The following TBC1D31 variants were observed in gnomAD, a reference collection of about 807,000 sequenced individuals.
The protein encoded by TBC1D31 is WD repeat domain 67.
TBC1D31 carries 99 observed loss-of-function variants against 132.9 expected under a neutral mutation model. The observed-to-expected ratio is 0.74, with a 90% confidence interval of 0.63 to 0.88. The LOEUF (loss-of-function observed/expected upper bound fraction) is 0.88. Among genes scored for constraint, TBC1D31 ranks in the 40% least tolerant of loss-of-function variants. TBC1D31 has a pLI of 0.00. For missense variants in TBC1D31, 1,134 were observed against 1,256.6 expected, an observed-to-expected ratio of 0.90 and a Z score of 1.48; for synonymous variants, 385 against 419.4, an observed-to-expected ratio of 0.92 and a Z score of 1.00.
chr8:123,160,565 G>A, the TBC1D31 span, among the ~76,000 whole-genome samples: 3 of 152,080 alleles, frequency 2.0e-5, no homozygotes, highest in Non-Finnish European at 4.4e-5. Context: ...CTCTCCCGGC[G>A]ACCTCCCGGC....
chr8:123,126,094 C>T lies in TBC1D31; in HGVS notation c.1609C>T (p.Pro537Ser), dbSNP rs148945860. The change falls in exon 12 of 22, where the codon CCT becomes TCT. Residue 537 changes from proline (P) to serine (S), a missense_variant. By Grantham distance (74) the Pro-to-Ser change is moderately conservative. Transcript: ENST00000287380. The stretch of plus-strand genomic sequence containing the variant: ...ACACTGGTTTGAATATTTTCCTAAT[C>T]CTCCTATCAATATTCTTAGCATGAT... ...CQHWFEYFPN[P>S]PINILSMIEN... is the part of the protein sequence containing the mutation. The T allele has an allele frequency of 6.2e-7, 1 of 1,608,482 alleles. No individual in the cohort carries two copies. Among genetic ancestry groups the T allele is most frequent in the East Asian group, 2.2e-5 (1 of 44,632 alleles).
Position 123,151,861 on chromosome 8 carries a change from G to C in TBC1D31, c.3123G>C (p.Lys1041Asn), listed in dbSNP as rs759713100. 5.0e-6 allele frequency: 8 copies of C among 1,591,440 alleles called. No individual in the cohort carries two copies. The highest frequency in any genetic ancestry group is 6.8e-6 in the Non-Finnish European group (8 of 1,173,126). The change falls in exon 22 of 22, where the codon AAG becomes AAC. Residue 1041 changes from lysine to asparagine, a missense_variant. By Grantham distance (94) the Lys-to-Asn change is moderately conservative. Coordinates refer to ENST00000287380, the MANE Select transcript of TBC1D31 (RefSeq NM_145647.4). ...ACACCACGGGACAGAATCTTATTAAGAAAGTGAGAAATCTTCGCCAGAGAC... is the reference window on the plus strand; with the variant it reads ...ACACCACGGGACAGAATCTTATTAACAAAGTGAGAAATCTTCGCCAGAGAC... ...EWDTTGQNLIKKVRNLRQRLT... is the reference protein window; with the variant it reads ...EWDTTGQNLINKVRNLRQRLT...
At chr8:123,135,369 A>G (rs1820991502) in intron 17 of TBC1D31, among the ~76,000 whole-genome samples, 1 of 152,168 alleles carries the variant, frequency 6.6e-6, no homozygotes, top group South Asian at 2.1e-4. Flanking sequence ...GTAAGTTTTC[A>G]CTTCTTTCAG....
In TBC1D31 at chr8:123,102,146, C is replaced by T. The variant is rs527358732; in HGVS notation, c.1032+1139C>T. On this transcript the variant is annotated intron_variant, in intron 7 of 21. Transcript: ENST00000287380. Reference sequence around the variant, plus strand: ...GGTTATCTAAAATTCCCCCAGCTAACCAGTCATATTGTCCGTGTGTCTTCC... The same window carrying T: ...GGTTATCTAAAATTCCCCCAGCTAATCAGTCATATTGTCCGTGTGTCTTCC... The T allele has an allele frequency of 9.3e-6, 4 of 428,270 alleles. No homozygotes were observed. The East Asian group carries it at 3.0e-4, about 32-fold the overall frequency. The allele number at this position is 428,270 out of a possible 1,614,324, so 26.5% of individuals were successfully genotyped here.
At chr8:123,080,427 C>G (rs1422893872) in intron 2 of TBC1D31, among the ~76,000 whole-genome samples, 1 of 151,800 alleles carries the variant, frequency 6.6e-6, no homozygotes, top group Non-Finnish European at 1.5e-5. Flanking sequence ...AACCGTTGTC[C>G]TTCCTGGTAG....
intron 7 of TBC1D31, among the ~76,000 whole-genome samples, 193 bp from the exon 8 acceptor site, chr8:123,105,095 G>T (rs1400126172): frequency 1.3e-5 from 2 of 152,082 alleles, no homozygotes; most frequent in African/African-American, 2.4e-5. Flanking sequence ...TCTTCAAAAG[G>T]ATTCAGCAGA....
At chr8:123,107,236 G>C (rs1262479114) in intron 8 of TBC1D31, among the ~76,000 whole-genome samples, 1 of 152,194 alleles carries the variant, frequency 6.6e-6, no homozygotes, top group African/African-American at 2.4e-5. Context: ...TTGCAAGTAA[G>C]CCTTCTGAGG....
downstream of TBC1D31, among the ~76,000 whole-genome samples, chr8:123,157,101 A>T (rs1465841715): frequency 6.6e-6 from 1 of 152,122 alleles, no homozygotes; most frequent in African/African-American, 2.4e-5. Flanking sequence ...GGGGGTACTT[A>T]TCAGGTTCAC....
At position 123,093,615 on chromosome 8, in the gene TBC1D31, A is replaced by G; in HGVS notation, c.544A>G (p.Thr182Ala). The G allele has an allele frequency of 6.2e-7, 1 of 1,609,140 alleles. No homozygotes were observed. The highest frequency in any genetic ancestry group is 1.1e-5 in the South Asian group (1 of 90,482). The change falls in exon 5 of 22, where the codon ACC (threonine) becomes GCC (alanine). Residue 182 changes from threonine (T) to alanine (A), a missense_variant. Physicochemically the swap from Thr to Ala is moderately conservative, Grantham distance 58. Transcript: ENST00000287380. ...QKVFFLPLSN[T>A]ILSCFKDNSI... ...GGTTTTCTTTCTACCATTAAGTAAT[A>G]CCATCCTCAGCTGTTTTAAAGATAA... is the stretch of plus-strand genomic sequence containing the variant.
chr8:123,096,434 A>T (rs1434099652), intron 5 of TBC1D31, among the ~76,000 whole-genome samples: 1 of 152,222 alleles, frequency 6.6e-6, no homozygotes, highest in Admixed American at 6.5e-5. Flanking sequence ...ATCAGGATAG[A>T]ATTCTTCCTC....
chr8:123,124,116 T>G (rs770509562), intron 11 of TBC1D31, among the ~76,000 whole-genome samples: 1 of 152,052 alleles, frequency 6.6e-6, no homozygotes, highest in Admixed American at 6.5e-5. Context: ...TCTGAATGCT[T>G]CTAAGTAAGC....
At position 123,126,670 on chromosome 8, in the gene TBC1D31, C is replaced by G. The variant is rs1312236421; in HGVS notation, c.1867C>G (p.Leu623Val). Residue 623 changes from leucine (L) to valine (V), a missense_variant, in exon 13 of 22, where the codon CTT becomes GTT. Physicochemically the swap from Leu to Val is conservative, Grantham distance 32. Transcript: ENST00000287380. Reference sequence around the variant, plus strand: ...TAGAACGCCTCTGCTCAGCTGTAATCTTAAAGATGACTTTGAGGTAACGGT... The same window carrying G: ...TAGAACGCCTCTGCTCAGCTGTAATGTTAAAGATGACTTTGAGGTAACGGT... ...CSRTPLLSCN[L>V]KDDFEFFFHH... 2 of 1,611,246 alleles carry G rather than the reference C, an allele frequency of 1.2e-6. No individual in the cohort carries two copies. The highest frequency in any genetic ancestry group is 1.1e-5 in the South Asian group (1 of 90,182).
intron 5 of TBC1D31, among the ~76,000 whole-genome samples, chr8:123,095,416 G>A (rs961040991): frequency 1.3e-5 from 2 of 152,164 alleles, no homozygotes; most frequent in African/African-American, 4.8e-5. Context: ...TTATTTTGAT[G>A]TACAGTTGTA....
chr8:123,130,390 G>A, intron 16 of TBC1D31, 57 bp downstream of exon 16: 3 of 1,469,208 alleles, frequency 2.0e-6, no homozygotes, highest in South Asian at 1.4e-5. Context: ...TCACTTAAAT[G>A]TAATGAACAC....
At chr8:123,133,653 C>T (rs75783220) in intron 16 of TBC1D31, among the ~76,000 whole-genome samples, 2,861 of 152,288 alleles carry the variant, frequency 0.019, 39 homozygotes, top group Non-Finnish European at 0.027. Context: ...AATTAATTCA[C>T]TTGGAGCAGA....
At chr8:123,148,344 G>C (rs2130965937) in intron 20 of TBC1D31, among the ~76,000 whole-genome samples, 1 of 152,302 alleles carries the variant, frequency 6.6e-6, no homozygotes, top group African/African-American at 2.4e-5. Flanking sequence ...GTAATCATTA[G>C]TTGTTTGAAC....
chr8:123,141,455 CA>C (rs2130905238), intron 18 of TBC1D31, among the ~76,000 whole-genome samples: 1 of 151,180 alleles, frequency 6.6e-6, no homozygotes, highest in African/African-American at 2.5e-5. Flanking sequence ...AGAGAATTTC[CA>C]AGATGTATTT....
downstream of TBC1D31, among the ~76,000 whole-genome samples, chr8:123,153,486 T>C (rs1467552384): frequency 6.6e-6 from 1 of 152,226 alleles, no homozygotes; most frequent in East Asian, 1.9e-4. Context: ...CTCACCCAAA[T>C]GAAGTTCTTT....
chr8:123,130,748 A>G (rs1423720817), intron 16 of TBC1D31, among the ~76,000 whole-genome samples: 1 of 151,174 alleles, frequency 6.6e-6, no homozygotes, highest in Non-Finnish European at 1.5e-5. Flanking sequence ...CAGCCTCCCA[A>G]GTAGCTGGGA....
Sources: allele counts gnomAD v4.1 joint callset (sites outside exome capture counted in the v4.1 genomes callset), GRCh38; gene constraint gnomAD v4.1.1; transcripts MANE v1.5; gene names NCBI Gene and HGNC (gene_info 2026-07-23, HGNC 2026-07-21).